B3GNT5: variants seen among roughly 807,000 people sequenced by gnomAD.
B3GNT5 encodes the protein lactosylceramide 1,3-N-acetyl-beta-D-glucosaminyltransferase.
In B3GNT5, 11 loss-of-function variants were observed where a neutral mutation model predicts 25.9. The ratio of observed to expected loss-of-function variants is 0.42; its 90% CI spans 0.27 to 0.70. The LOEUF (loss-of-function observed/expected upper bound fraction) is 0.70, where lower values mean the gene tolerates loss of function less well. B3GNT5 is among the 30% of genes least tolerant of loss of function. The pLI is 0.23. For synonymous variants in B3GNT5, 166 were observed against 158.6 expected, an observed-to-expected ratio of 1.05 and a Z score of -0.35; for missense variants, 385 against 458.4, an observed-to-expected ratio of 0.84 and a Z score of 1.46.
intron 1 of B3GNT5, among the ~76,000 whole-genome samples, chr3:183,258,644 C>A (rs528880416): frequency 4.6e-5 from 7 of 152,304 alleles, no homozygotes; most frequent in Non-Finnish European, 7.3e-5. Flanking sequence ...GGACACCACC[C>A]CCCCGCCCCT....
At chr3:183,261,634 T>G (rs116508603) in intron 1 of B3GNT5, among the ~76,000 whole-genome samples, 552 of 152,280 alleles carry the variant, frequency 3.6e-3, no homozygotes, top group African/African-American at 0.013. Flanking sequence ...ATTGATTTTT[T>G]AAATGAAGAA....
intron 1 of B3GNT5, among the ~76,000 whole-genome samples, chr3:183,262,884 C>G (rs1725751953): frequency 6.6e-6 from 1 of 152,036 alleles, no homozygotes. Flanking sequence ...AGTCCCATTT[C>G]CCCAGCAGCC....
chr3:183,270,334 C>T lies in B3GNT5; in HGVS notation c.536C>T (p.Ala179Val), dbSNP rs180964101. The T allele has an allele frequency of 8.1e-5, 130 of 1,614,064 alleles. No individual in the cohort carries two copies. The highest frequency in any genetic ancestry group is 3.0e-5 in the Non-Finnish European group (35 of 1,179,970). Residue 179 changes from alanine to valine, a missense_variant, in exon 2 of 2, where the codon GCA (alanine) becomes GTA (valine). Ala to Val is a moderately conservative substitution (Grantham distance 64). Transcript: ENST00000326505. The surrounding 1 kb of genome is among the most constrained non-coding windows in gnomAD (Gnocchi z 4.5). Reference sequence around the variant, plus strand: ...AAATTACTTATGCAGTTCAGTTGGGCAAATACCTATTGTCCACATGCCAAA... The same window carrying T: ...AAATTACTTATGCAGTTCAGTTGGGTAAATACCTATTGTCCACATGCCAAA... Reference protein sequence around the residue: ...TLKLLMQFSWANTYCPHAKFL... With the variant: ...TLKLLMQFSWVNTYCPHAKFL...
chr3:183,269,824 G>A lies in B3GNT5; in HGVS notation c.26G>A (p.Arg9Lys). The A allele has an allele frequency of 1.9e-6, 3 of 1,610,304 alleles. No homozygotes were observed. Among genetic ancestry groups the A allele is most frequent in the African/African-American group, 2.7e-5 (2 of 74,926 alleles). The change falls in exon 2 of 2, where the codon AGA becomes AAA. Residue 9 changes from arginine (R) to lysine (K), a missense_variant. Coordinates refer to ENST00000326505, the MANE Select transcript of B3GNT5 (RefSeq NM_032047.5). MRMLVSGR[R>K]VKKWQLIIQL... ...ATGAGAATGTTGGTTAGTGGCAGAA[G>A]AGTCAAAAAATGGCAGTTAATTATT...
In B3GNT5 at chr3:183,273,108, A is replaced by C; in HGVS notation, c.*2173A>C. On this transcript the variant is annotated 3_prime_UTR_variant, in exon 2 of 2. Transcript: ENST00000326505. ...CAACCTTTTAAAAAAGAAGGAAAAAACTTTTTGGTGCTCCAGTGTAGGGCT... is the reference window on the plus strand; with the variant it reads ...CAACCTTTTAAAAAAGAAGGAAAAACCTTTTTGGTGCTCCAGTGTAGGGCT... 2.5e-6 allele frequency: 3 copies of C among 1,180,732 alleles called. No individual in the cohort carries two copies. Among genetic ancestry groups the C allele is most frequent in the Non-Finnish European group, 3.5e-6 (3 of 857,720 alleles). The allele number at this position is 1,180,732 out of a possible 1,614,324, so 73.1% of individuals were successfully genotyped here.
intron 1 of B3GNT5, among the ~76,000 whole-genome samples, chr3:183,260,798 A>G (rs73884612): frequency 0.15 from 22,792 of 152,198 alleles, 3,971 homozygotes; most frequent in African/African-American, 0.42. Flanking sequence ...TTTCCCCTCT[A>G]TCCCAAAGCC....
intron 1 of B3GNT5, among the ~76,000 whole-genome samples, chr3:183,262,066 A>AT (rs1232423977): frequency 6.7e-6 from 1 of 148,594 alleles, no homozygotes; most frequent in South Asian, 2.1e-4. Flanking sequence ...GAATGCATAT[A>AT]TATTATATAT....
chr3:183,269,230 C>CTTTTTTTTTTTTTTT lies in B3GNT5; in HGVS notation c.-301-264_-301-250dup, dbSNP rs60835895. ...TACACGATTATAGCCGTTTGGGAAG[C>CTTTTTTTTTTTTTTT]TTTTTTTTTTTTTTTTTTAAGAGTA... On this transcript the variant is annotated intron_variant, in intron 1 of 1. Coordinates refer to ENST00000326505, the MANE Select transcript of B3GNT5 (RefSeq NM_032047.5). 1.7e-3 allele frequency among the ~76,000 whole-genome samples: 141 copies of CTTTTTTTTTTTTTTT among 80,990 alleles called. 31 individuals are homozygous for CTTTTTTTTTTTTTTT. Among genetic ancestry groups the CTTTTTTTTTTTTTTT allele is most frequent in the African/African-American group, 6.7e-3 (105 of 15,750 alleles). The allele number at this position is 80,990 out of a possible 152,430, so 53.1% of individuals were successfully genotyped here. A position where few individuals can be genotyped will look rare whatever the true frequency, so the allele number is the denominator to read the frequency against.
Position 183,270,215 on chromosome 3 carries a change from A to G in B3GNT5, c.417A>G (p.Gly139=). 6.2e-7 allele frequency: 1 copy of G among 1,614,208 alleles called. No homozygotes were observed. The highest frequency in any genetic ancestry group is 8.5e-7 in the Non-Finnish European group (1 of 1,180,014). The part of the protein sequence containing the change: ...FALGTPNPLE[G]EELQRKLAWE... ...TAGGAACTCCTAATCCACTGGAGGGAGAAGAACTACAAAGAAAACTGGCTT... is the reference window on the plus strand; with the variant it reads ...TAGGAACTCCTAATCCACTGGAGGGGGAAGAACTACAAAGAAAACTGGCTT... Residue 139 remains glycine, a synonymous_variant, in exon 2 of 2, where the codon GGA becomes GGG. Transcript: ENST00000326505. The surrounding 1 kb of genome is among the most constrained non-coding windows in gnomAD (Gnocchi z 4.5).
chr3:183,258,091 C>G (rs1466606904), intron 1 of B3GNT5, among the ~76,000 whole-genome samples: 1 of 151,418 alleles, frequency 6.6e-6, no homozygotes. Context: ...CTTCAGCCTC[C>G]CGAGTAGCTG....
intron 1 of B3GNT5, among the ~76,000 whole-genome samples, chr3:183,269,230 C>CTTGTTTTTTTTTTTTTTTTTTTT (rs1726468748): frequency 1.2e-5 from 1 of 81,030 alleles, no homozygotes; most frequent in African/African-American, 6.4e-5. Context: ...GTTTGGGAAG[C>CTTGTTTTTTTTTTTTTTTTTTTT]TTTTTTTTTT....
chr3:183,271,193 A>G lies in B3GNT5; in HGVS notation c.*258A>G, dbSNP rs1255392724. 3.1e-6 allele frequency: 1 copy of G among 318,794 alleles called. No homozygotes were observed. The highest frequency in any genetic ancestry group is 6.0e-6 in the Non-Finnish European group (1 of 166,654). 19.7% of individuals were successfully genotyped at this position (318,794 alleles called of 1,614,324 possible). On this transcript the variant is annotated 3_prime_UTR_variant, in exon 2 of 2. Coordinates refer to ENST00000326505, the MANE Select transcript of B3GNT5 (RefSeq NM_032047.5). ...GAAAACAAAACTAAAGGGAAGTTCA[A>G]GTTCTCATGTAATGCCACATATATA...
In B3GNT5 at chr3:183,267,640, C is replaced by A. The variant is rs77671773; in HGVS notation, c.-301-1858C>A. Among the ~76,000 whole-genome samples, 97 of 152,354 alleles carry A rather than the reference C, an allele frequency of 6.4e-4. 1 individual carries two copies. In the East Asian group the frequency reaches 9.6e-3, roughly 15 times the overall value. Reference sequence around the variant, plus strand: ...CTCCCCGTCAGTCCTGTCCAAAGCCCAGGAAACTAATGTACCACCCCCGAG... The same window carrying A: ...CTCCCCGTCAGTCCTGTCCAAAGCCAAGGAAACTAATGTACCACCCCCGAG... On this transcript the variant is annotated intron_variant, in intron 1 of 1. Transcript: ENST00000326505. The surrounding 1 kb of genome is among the most constrained non-coding windows in gnomAD (Gnocchi z 5.5).
In B3GNT5 at chr3:183,270,646, ATGTGTTCATGGGCCTC is replaced by A; in HGVS notation, c.853_868del (p.Phe285ProfsTer4). The A allele has an allele frequency of 1.2e-6, 2 of 1,614,134 alleles. No individual in the cohort carries two copies. Among genetic ancestry groups the A allele is most frequent in the South Asian group, 2.2e-5 (2 of 91,080 alleles). On this transcript the variant is annotated frameshift_variant, in exon 2 of 2. Coordinates refer to ENST00000326505, the MANE Select transcript of B3GNT5 (RefSeq NM_032047.5). LOFTEE classifies it high-confidence loss of function. The surrounding 1 kb of genome is among the most constrained non-coding windows in gnomAD (Gnocchi z 4.5). ...CTAAATTCAAGTCTTTACATAGACG[ATGTGTTCATGGGCCTC>A]TGTGCCAATAAAATAGGGATAGTAC...
At position 183,270,579 on chromosome 3, in the gene B3GNT5, T is replaced by TCC. The variant is rs1385280373; in HGVS notation, c.782_783dup (p.Gly262ProfsTer4). 1 of 1,614,150 alleles carries TCC rather than the reference T, an allele frequency of 6.2e-7. No individual in the cohort carries two copies. The highest frequency in any genetic ancestry group is 1.7e-5 in the Admixed American group (1 of 60,028). ...CACAGCCGGAGCTGCCTATGTAATC[T>TCC]CCGGTGATGTAGCTGCCAAAGTCTA... is the stretch of plus-strand genomic sequence containing the variant. On this transcript the variant is annotated frameshift_variant, in exon 2 of 2. Coordinates refer to ENST00000326505, the MANE Select transcript of B3GNT5 (RefSeq NM_032047.5). LOFTEE classifies it high-confidence loss of function. This position sits in a 1 kb window ranked among gnomAD's most constrained non-coding sequence, Gnocchi z 4.5.
Position 183,269,697 on chromosome 3 carries a change from A to G in B3GNT5, c.-102A>G, listed in dbSNP as rs893572757. ...CTTCCATTTTTAATGACCAACATGT[A>G]TTAAGATGGACACCTACTCTACGAA... On this transcript the variant is annotated 5_prime_UTR_variant, in exon 2 of 2. Coordinates refer to ENST00000326505, the MANE Select transcript of B3GNT5 (RefSeq NM_032047.5). 9.5e-7 allele frequency: 1 copy of G among 1,055,956 alleles called. No homozygotes were observed. The highest frequency in any genetic ancestry group is 1.4e-6 in the Non-Finnish European group (1 of 724,702). The allele number at this position is 1,055,956 out of a possible 1,614,324, so 65.4% of individuals were successfully genotyped here. A position where few individuals can be genotyped will look rare whatever the true frequency, so the allele number is the denominator to read the frequency against.
At chr3:183,259,028 AT>A (rs1198510506) in intron 1 of B3GNT5, among the ~76,000 whole-genome samples, 6 of 151,888 alleles carry the variant, frequency 4.0e-5, no homozygotes, top group Admixed American at 6.6e-5. Context: ...ACGACCATAA[AT>A]TTTTTTTTCA....
chr3:183,261,822 T>C (rs1262217648), intron 1 of B3GNT5, among the ~76,000 whole-genome samples: 2 of 151,854 alleles, frequency 1.3e-5, no homozygotes, highest in East Asian at 3.9e-4. Context: ...TTGTTCTTGT[T>C]TTGGCAATAA....
chr3:183,272,796 C>T lies in B3GNT5; in HGVS notation c.*1861C>T. On this transcript the variant is annotated 3_prime_UTR_variant, in exon 2 of 2. Coordinates refer to ENST00000326505, the MANE Select transcript of B3GNT5 (RefSeq NM_032047.5). Reference sequence around the variant, plus strand: ...TTTTGCCCATATATACCCTGTGTATCTATACTTGGAAGTGTTTAAGGTTGC... The same window carrying T: ...TTTTGCCCATATATACCCTGTGTATTTATACTTGGAAGTGTTTAAGGTTGC... 2.6e-6 allele frequency: 3 copies of T among 1,159,820 alleles called. No individual in the cohort carries two copies. The highest frequency in any genetic ancestry group is 3.2e-6 in the Non-Finnish European group (3 of 931,508). 71.8% of individuals were successfully genotyped at this position (1,159,820 alleles called of 1,614,324 possible). A position where few individuals can be genotyped will look rare whatever the true frequency, so the allele number is the denominator to read the frequency against.
Sources: gnomAD v4.1 joint callset for allele counts (sites outside exome capture counted in the v4.1 genomes callset) on GRCh38, gnomAD v4.1.1 for gene constraint, Gnocchi (gnomAD v3.1) non-coding constraint, MANE v1.5 for transcripts, NCBI Gene and HGNC (gene_info 2026-07-23, HGNC 2026-07-21) for gene names.